The following ZNF892 variants were observed in gnomAD, a reference collection of about 807,000 sequenced individuals.
ZNF892 encodes the protein zinc finger protein 570-like.
the ZNF892 span, among the ~76,000 whole-genome samples, chr2:95,244,039 T>C: frequency 6.6e-6 from 1 of 151,174 alleles, no homozygotes; most frequent in East Asian, 1.9e-4. Flanking sequence ...TCTGTGACCT[T>C]ACCCCCAACC....
the ZNF892 span, among the ~76,000 whole-genome samples, chr2:95,247,475 A>C: frequency 6.6e-6 from 1 of 152,328 alleles, no homozygotes; most frequent in Admixed American, 6.5e-5. Flanking sequence ...AAGTTCTTAA[A>C]AGCAATTGTG....
At chr2:95,247,252 TG>T in the ZNF892 span, among the ~76,000 whole-genome samples, 2 of 152,076 alleles carry the variant, frequency 1.3e-5, no homozygotes, top group Non-Finnish European at 1.5e-5. Flanking sequence ...AAATAAGCAA[TG>T]GGGAAAGGAC....
At chr2:95,234,923 T>C in the ZNF892 span, among the ~76,000 whole-genome samples, 1 of 152,206 alleles carries the variant, frequency 6.6e-6, no homozygotes, top group Non-Finnish European at 1.5e-5. Flanking sequence ...AGGTCTGGAC[T>C]TGTGGCTGGT....
At chr2:95,225,718 T>G in the ZNF892 span, among the ~76,000 whole-genome samples, 1 of 152,186 alleles carries the variant, frequency 6.6e-6, no homozygotes, top group African/African-American at 2.4e-5. Context: ...GATTTCATAA[T>G]CAACTTCAGA....
At chr2:95,258,057 T>G in the ZNF892 span, among the ~76,000 whole-genome samples, 2 of 152,138 alleles carry the variant, frequency 1.3e-5, no homozygotes, top group African/African-American at 4.8e-5. Context: ...TCACGCTCGG[T>G]GTGCTGCACC....
the ZNF892 span, among the ~76,000 whole-genome samples, chr2:95,252,028 T>A: frequency 1.3e-5 from 2 of 152,314 alleles, no homozygotes; most frequent in South Asian, 2.1e-4. Flanking sequence ...AAATAAGAGT[T>A]CGGAGTCGCA....
At chr2:95,235,091 C>T in the ZNF892 span, among the ~76,000 whole-genome samples, 1 of 152,182 alleles carries the variant, frequency 6.6e-6, no homozygotes, top group African/African-American at 2.4e-5. Flanking sequence ...GAGAAATCCC[C>T]ACACATTTGG....
the ZNF892 span, among the ~76,000 whole-genome samples, chr2:95,235,499 C>G: frequency 6.6e-6 from 1 of 152,006 alleles, no homozygotes; most frequent in South Asian, 2.1e-4. Flanking sequence ...GTATCTGGGA[C>G]TACAGGCGCC....
the ZNF892 span, among the ~76,000 whole-genome samples, chr2:95,262,379 TA>T: frequency 6.6e-6 from 1 of 152,216 alleles, no homozygotes; most frequent in African/African-American, 2.4e-5. Context: ...GCTGTGTCTT[TA>T]TTCCAGGCAG....
chr2:95,243,266 C>T, the ZNF892 span, among the ~76,000 whole-genome samples: 232 of 152,212 alleles, frequency 1.5e-3, no homozygotes, highest in Middle Eastern at 3.4e-3. Context: ...TCTGCCCGGC[C>T]GCCACCCCGT....
the ZNF892 span, among the ~76,000 whole-genome samples, chr2:95,213,319 A>G: frequency 6.6e-6 from 1 of 152,128 alleles, no homozygotes; most frequent in Non-Finnish European, 1.5e-5. Context: ...TTGTCCTTTA[A>G]AATCCCAGGC....
the ZNF892 span, among the ~76,000 whole-genome samples, chr2:95,233,077 G>A: frequency 6.6e-6 from 1 of 152,156 alleles, no homozygotes; most frequent in Non-Finnish European, 1.5e-5. Context: ...CACCTCCTGA[G>A]CCTCTGGTTT....
At chr2:95,219,705 G>T in the ZNF892 span, among the ~76,000 whole-genome samples, 1 of 152,180 alleles carries the variant, frequency 6.6e-6, no homozygotes, top group Non-Finnish European at 1.5e-5. Context: ...CTTCTGCATT[G>T]ACAGGCCTCC....
At chr2:95,242,811 G>T in the ZNF892 span, among the ~76,000 whole-genome samples, 1 of 151,950 alleles carries the variant, frequency 6.6e-6, no homozygotes, top group Non-Finnish European at 1.5e-5. Context: ...ACCAAACCTG[G>T]AGTCCCTCTC....
chr2:95,249,024 C>G, the ZNF892 span, among the ~76,000 whole-genome samples: 1 of 151,750 alleles, frequency 6.6e-6, no homozygotes, highest in Non-Finnish European at 1.5e-5. Flanking sequence ...TCAAGTAATC[C>G]TCCTGCCTCA....
the ZNF892 span, among the ~76,000 whole-genome samples, chr2:95,237,764 C>T: frequency 2.9e-4 from 44 of 152,220 alleles, no homozygotes; most frequent in Non-Finnish European, 4.9e-4. Flanking sequence ...ATGTGCTACT[C>T]TAGTGAACAT....
the ZNF892 span, among the ~76,000 whole-genome samples, chr2:95,249,309 C>T: frequency 5.2e-4 from 70 of 133,914 alleles, no homozygotes; most frequent in African/African-American, 1.8e-3. Flanking sequence ...GGCACGATCT[C>T]GGCTCACTGC....
the ZNF892 span, among the ~76,000 whole-genome samples, chr2:95,243,248 T>A: frequency 2.0e-5 from 3 of 152,182 alleles, no homozygotes; most frequent in South Asian, 6.2e-4. Flanking sequence ...AGTGCCGAGA[T>A]TGTAGCCTCT....
At chr2:95,240,520 C>A in the ZNF892 span, among the ~76,000 whole-genome samples, 1 of 152,190 alleles carries the variant, frequency 6.6e-6, no homozygotes, top group African/African-American at 2.4e-5. Flanking sequence ...TGTGTGGAGT[C>A]TCAGCAAAGC....
Sources: gnomAD v4.1 joint callset for allele counts (sites outside exome capture counted in the v4.1 genomes callset) on GRCh38, gnomAD v4.1.1 for gene constraint, MANE v1.5 for transcripts, NCBI Gene and HGNC (gene_info 2026-07-23, HGNC 2026-07-21) for gene names.